NXPE2: variants seen among roughly 807,000 people sequenced by gnomAD.
The protein encoded by NXPE2 is neurexophilin and PC-esterase domain family member 2.
A neutral mutation model predicts 34.4 loss-of-function variants in NXPE2; 34 were observed. That is an observed-to-expected ratio of 0.99 (90% CI 0.75 to 1.31). The LOEUF is 1.31. NXPE2 is among the 40% of genes most tolerant of loss of function. NXPE2 has a pLI of 0.00. For synonymous variants in NXPE2, 235 were observed against 231.3 expected (o/e 1.02, Z -0.15); for missense variants, 649 against 672.5 (o/e 0.97, Z 0.39).
chr11:114,583,037 A>G, the NXPE2 span: 2 of 1,593,230 alleles, frequency 1.3e-6, no homozygotes, highest in Non-Finnish European at 1.7e-6. Flanking sequence ...ATGACAGCAA[A>G]TGTGACATGA....
At chr11:114,582,683 T>A in the NXPE2 span, 1 of 1,614,000 alleles carries the variant, frequency 6.2e-7, no homozygotes, top group South Asian at 1.1e-5. Context: ...CCATCAGCGC[T>A]GGGGAAGACA....
At chr11:114,524,191 A>T in the NXPE2 span, among the ~76,000 whole-genome samples, 1 of 152,220 alleles carries the variant, frequency 6.6e-6, no homozygotes, top group African/African-American at 2.4e-5. Flanking sequence ...ATGACCTAGA[A>T]GTTTCCCACT....
the NXPE2 span, among the ~76,000 whole-genome samples, chr11:114,523,317 C>T: frequency 2.6e-5 from 4 of 151,972 alleles, no homozygotes; most frequent in Admixed American, 2.6e-4. Flanking sequence ...AATTCCTTTC[C>T]TCCTAAATTT....
At chr11:114,725,976 A>AAAAATATATATATATAT in the NXPE2 span, among the ~76,000 whole-genome samples, 8 of 101,766 alleles carry the variant, frequency 7.9e-5, no homozygotes, top group African/African-American at 2.7e-4. Flanking sequence ...ATAAAAAAAA[A>AAAAATATATATATATAT]ATATATATAT....
At chr11:114,674,126 C>CAAACAAACAAACAAACA (rs59039274), upstream of NXPE2, among the ~76,000 whole-genome samples, 1 of 80,924 alleles carries the variant, frequency 1.2e-5, no homozygotes, top group East Asian at 3.2e-4. Context: ...AACAAACAAA[C>CAAACAAACAAACAAACA]AAGTGAACAA....
At chr11:114,698,872 C>A in intron 3 of NXPE2, 94 bp downstream of exon 3, 2 of 1,201,698 alleles carry the variant, frequency 1.7e-6, no homozygotes, top group Non-Finnish European at 2.3e-6. Context: ...TGTATCATGT[C>A]AATTATGTTG....
the NXPE2 span, among the ~76,000 whole-genome samples, chr11:114,795,577 T>TGATA: frequency 2.6e-5 from 4 of 152,208 alleles, no homozygotes; most frequent in Admixed American, 2.6e-4. Flanking sequence ...TTTGGTATTC[T>TGATA]GATAATAGCA....
At chr11:114,809,044 C>T in the NXPE2 span, among the ~76,000 whole-genome samples, 10 of 152,142 alleles carry the variant, frequency 6.6e-5, no homozygotes, top group African/African-American at 2.4e-4. Context: ...TCAACATACA[C>T]AAATCAATAA....
chr11:114,575,121 A>G, the NXPE2 span, among the ~76,000 whole-genome samples: 1 of 152,136 alleles, frequency 6.6e-6, no homozygotes, highest in Non-Finnish European at 1.5e-5. Context: ...ACACAGAAAA[A>G]GCATTTGAGA....
the NXPE2 span, among the ~76,000 whole-genome samples, chr11:114,793,480 A>G: frequency 1.3e-5 from 2 of 152,154 alleles, no homozygotes; most frequent in African/African-American, 4.8e-5. Flanking sequence ...TTTGGAACTG[A>G]CTGTAGATAT....
the NXPE2 span, among the ~76,000 whole-genome samples, chr11:114,475,996 G>A: frequency 6.6e-5 from 10 of 152,290 alleles, no homozygotes; most frequent in East Asian, 1.9e-3. Context: ...CTTACATGGT[G>A]ATTTGTGGAC....
the NXPE2 span, among the ~76,000 whole-genome samples, chr11:114,602,276 CTA>C: frequency 8.4e-4 from 96 of 113,780 alleles, no homozygotes; most frequent in South Asian, 1.5e-3. Flanking sequence ...ATATATTATA[CTA>C]TATATATGTT....
chr11:114,788,887 C>T, the NXPE2 span, among the ~76,000 whole-genome samples: 1 of 152,154 alleles, frequency 6.6e-6, no homozygotes, highest in Non-Finnish European at 1.5e-5. Flanking sequence ...AGGGCAGGGA[C>T]CTTCTATTTT....
chr11:114,601,297 T>C, the NXPE2 span, among the ~76,000 whole-genome samples: 2 of 150,188 alleles, frequency 1.3e-5, no homozygotes, highest in South Asian at 2.1e-4. Flanking sequence ...TGTATGATTT[T>C]GGGTACTCAT....
chr11:114,793,701 G>A, the NXPE2 span, among the ~76,000 whole-genome samples: 4 of 152,114 alleles, frequency 2.6e-5, no homozygotes, highest in South Asian at 6.2e-4. Context: ...AATGAGGAGC[G>A]AAAGGCCAGA....
the NXPE2 span, among the ~76,000 whole-genome samples, chr11:114,516,093 G>A: frequency 6.6e-6 from 1 of 152,192 alleles, no homozygotes; most frequent in Non-Finnish European, 1.5e-5. Flanking sequence ...AACTACCAGA[G>A]TCAAAATTCA....
chr11:114,733,092 T>TTTTG, the NXPE2 span, among the ~76,000 whole-genome samples: 29 of 152,152 alleles, frequency 1.9e-4, no homozygotes, highest in South Asian at 4.2e-4. Context: ...ATATTGGGTT[T>TTTTG]TTTGTTTGTT....
chr11:114,810,694 G>A, the NXPE2 span, among the ~76,000 whole-genome samples: 5 of 152,058 alleles, frequency 3.3e-5, no homozygotes, highest in Non-Finnish European at 7.4e-5. Flanking sequence ...AACAACAGGT[G>A]CTGGAGAGGC....
the NXPE2 span, among the ~76,000 whole-genome samples, chr11:114,627,878 T>C: frequency 4.6e-5 from 7 of 151,460 alleles, no homozygotes; most frequent in African/African-American, 1.2e-4. Flanking sequence ...TCCTAGTCTC[T>C]GATAAAACAG....
Sources: allele counts gnomAD v4.1 joint callset (sites outside exome capture counted in the v4.1 genomes callset), GRCh38; gene constraint gnomAD v4.1.1; transcripts MANE v1.5; gene names NCBI Gene and HGNC (gene_info 2026-07-23, HGNC 2026-07-21).